The following DYRK1A variants were observed in gnomAD, a reference collection of about 807,000 sequenced individuals.
DYRK1A encodes the protein dual specificity tyrosine phosphorylation regulated kinase 1A.
A neutral mutation model predicts 79.7 loss-of-function variants in DYRK1A; 9 were observed. The observed-to-expected ratio is 0.11, with a 90% CI of 0.07 to 0.20. DYRK1A has a LOEUF of 0.20. DYRK1A is among the 10% of genes least tolerant of loss of function. The pLI is 1.00. For synonymous variants in DYRK1A, 349 were observed against 329.7 expected, an observed-to-expected ratio of 1.06 and a Z score of -0.63; for missense variants, 622 against 956.0, an observed-to-expected ratio of 0.65 and a Z score of 4.61.
chr21:37,370,017 C>T (rs1232819141), intron 1 of DYRK1A, among the ~76,000 whole-genome samples: 2 of 152,084 alleles, frequency 1.3e-5, no homozygotes, highest in African/African-American at 4.8e-5. Context: ...TTTTTTTCCC[C>T]TCCAAAATAT....
chr21:37,383,038 C>T (rs183431464), intron 1 of DYRK1A, among the ~76,000 whole-genome samples: 183 of 152,282 alleles, frequency 1.2e-3, no homozygotes, highest in African/African-American at 4.2e-3. Context: ...GAGCGATCTC[C>T]ACCATTAAGA....
chr21:37,505,266 C>T lies in DYRK1A; in HGVS notation c.1213-17C>T, dbSNP rs367698616. 6.4e-7 allele frequency: 1 copy of T among 1,569,082 alleles called. No homozygotes were observed. The highest frequency in any genetic ancestry group is 8.7e-7 in the Non-Finnish European group (1 of 1,155,222). On this transcript the variant is annotated splice_polypyrimidine_tract_variant and intron_variant, in intron 9 of 11. Transcript: ENST00000647188. The stretch of plus-strand genomic sequence containing the variant: ...TCCACCAAATTTAGAGAAAGCCTTT[C>T]ATCTTCTCTCTTACAGGAGTACAAA...
At position 37,405,361 on chromosome 21, in the gene DYRK1A, C is replaced by A. The variant is rs16995063; in HGVS notation, c.-76-14938C>A. Among the ~76,000 whole-genome samples the A allele has an allele frequency of 7.9e-3, 1,210 of 152,256 alleles. 14 individuals carry two copies. Among genetic ancestry groups the A allele is most frequent in the African/African-American group, 0.028 (1,158 of 41,522 alleles). ...AGTCTCCTGCATCCTTTTCCTAATTCTTGGCTTTAGTTCTGTTTTCTTCAA... is the reference window on the plus strand; with the variant it reads ...AGTCTCCTGCATCCTTTTCCTAATTATTGGCTTTAGTTCTGTTTTCTTCAA... On this transcript the variant is annotated intron_variant, in intron 1 of 11. Coordinates refer to ENST00000647188, the MANE Select transcript of DYRK1A (RefSeq NM_001347721.2).
At chr21:37,450,945 C>T (rs2148501189) in intron 2 of DYRK1A, among the ~76,000 whole-genome samples, 1 of 152,212 alleles carries the variant, frequency 6.6e-6, no homozygotes, top group African/African-American at 2.4e-5. Context: ...CGACAGTATT[C>T]CCCTAAGACT....
chr21:37,521,496 A>G lies in DYRK1A; in HGVS notation c.*8965A>G, dbSNP rs1310092891. On this transcript the variant is annotated 3_prime_UTR_variant, in exon 12 of 12. Transcript: ENST00000647188. ...CCAGTCATGTGCAAAGCACTTAGCT[A>G]GGTCTTAGGGATGAGGACAAAAAGC... is the stretch of plus-strand genomic sequence containing the variant. 1 of 152,264 alleles carries G rather than the reference A, an allele frequency of 6.6e-6. No individual in the cohort carries two copies. Among genetic ancestry groups the G allele is most frequent in the Non-Finnish European group, 1.5e-5 (1 of 68,044 alleles). 9.4% of individuals were successfully genotyped at this position (152,264 alleles called of 1,614,324 possible). A position where few individuals can be genotyped will look rare whatever the true frequency, so the allele number is the denominator to read the frequency against.
At chr21:37,382,589 C>T (rs999521974) in intron 1 of DYRK1A, among the ~76,000 whole-genome samples, 2 of 152,140 alleles carry the variant, frequency 1.3e-5, no homozygotes, top group African/African-American at 4.8e-5. Context: ...CTTGGATCTT[C>T]AACCTTTTGG....
At chr21:37,404,123 T>G (rs1447521765) in intron 1 of DYRK1A, among the ~76,000 whole-genome samples, 1 of 152,062 alleles carries the variant, frequency 6.6e-6, no homozygotes, top group Non-Finnish European at 1.5e-5. Flanking sequence ...ACAGAACCAA[T>G]AAGAGATACA....
intron 7 of DYRK1A, among the ~76,000 whole-genome samples, chr21:37,492,262 A>G: frequency 6.6e-6 from 1 of 152,250 alleles, no homozygotes; most frequent in Admixed American, 6.5e-5. Flanking sequence ...TGGGAACCAC[A>G]GAAAATTTCA....
At chr21:37,498,240 A>T (rs550357110) in intron 9 of DYRK1A, among the ~76,000 whole-genome samples, 1 of 152,280 alleles carries the variant, frequency 6.6e-6, no homozygotes, top group East Asian at 1.9e-4. Flanking sequence ...TTTGAAGTAC[A>T]GTTTATATAA....
chr21:37,466,361 G>A (rs1306561420), intron 2 of DYRK1A, among the ~76,000 whole-genome samples: 3 of 152,068 alleles, frequency 2.0e-5, no homozygotes, highest in Non-Finnish European at 4.4e-5. Flanking sequence ...TTGTAATATT[G>A]TAATATATAA....
rs1462835394 is a variant in DYRK1A, at chr21:37,515,663, T to G, written c.*3132T>G. The G allele has an allele frequency of 6.6e-6, 1 of 152,190 alleles. No individual in the cohort carries two copies. The highest frequency in any genetic ancestry group is 2.4e-5 in the African/African-American group (1 of 41,460). 9.4% of individuals were successfully genotyped at this position (152,190 alleles called of 1,614,324 possible). A position where few individuals can be genotyped will look rare whatever the true frequency, so the allele number is the denominator to read the frequency against. ...CAAATTCACCTGCTTCAGTATATAT[T>G]AAGGTGGCTTTCGAGAGGCAAGATG... On this transcript the variant is annotated 3_prime_UTR_variant, in exon 12 of 12. Transcript: ENST00000647188.
At chr21:37,507,748 G>A (rs1317995386) in intron 11 of DYRK1A, among the ~76,000 whole-genome samples, 2 of 141,300 alleles carry the variant, frequency 1.4e-5, no homozygotes, top group African/African-American at 2.7e-5. Flanking sequence ...GGTGTTCCTC[G>A]AGGCATGACC....
intron 2 of DYRK1A, among the ~76,000 whole-genome samples, chr21:37,455,899 C>T (rs147968392): frequency 0.01 from 1,549 of 152,224 alleles, 23 homozygotes; most frequent in African/African-American, 0.034. Context: ...TTGCCCAAAG[C>T]GACACAGAAG....
chr21:37,501,276 C>T (rs1569392949), intron 9 of DYRK1A: 1 of 149,044 alleles, frequency 6.7e-6, no homozygotes, highest in Non-Finnish European at 1.5e-5. Flanking sequence ...GGTCAAGCAA[C>T]TCTCCTGCCT....
At chr21:37,485,749 T>TA (rs2052838223) in intron 5 of DYRK1A, among the ~76,000 whole-genome samples, 1 of 151,688 alleles carries the variant, frequency 6.6e-6, no homozygotes, top group Non-Finnish European at 1.5e-5. Flanking sequence ...AAATCTTTTA[T>TA]AGTAGTATGA....
intron 11 of DYRK1A, among the ~76,000 whole-genome samples, chr21:37,510,633 T>C (rs1036445217): frequency 1.9e-4 from 29 of 152,182 alleles, no homozygotes; most frequent in Non-Finnish European, 4.0e-4. Context: ...GTACCAAGTT[T>C]CCTTCATTTT....
At position 37,512,567 on chromosome 21, in the gene DYRK1A, T is replaced by C. The variant is rs753280988; in HGVS notation, c.*36T>C. On this transcript the variant is annotated 3_prime_UTR_variant, in exon 12 of 12. Coordinates refer to ENST00000647188, the MANE Select transcript of DYRK1A (RefSeq NM_001347721.2). Reference sequence around the variant, plus strand: ...ACTTGAGTTTGTTTCTTGTGTGTTTTTATAGAAGTGGTGTTTTTTTTCCAA... The same window carrying C: ...ACTTGAGTTTGTTTCTTGTGTGTTTCTATAGAAGTGGTGTTTTTTTTCCAA... 29 of 1,591,166 alleles carry C rather than the reference T, an allele frequency of 1.8e-5. No individual in the cohort carries two copies. Among genetic ancestry groups the C allele is most frequent in the Non-Finnish European group, 2.4e-5 (28 of 1,166,872 alleles).
At chr21:37,446,953 G>A (rs977098298) in intron 2 of DYRK1A, among the ~76,000 whole-genome samples, 1 of 152,062 alleles carries the variant, frequency 6.6e-6, no homozygotes, top group Non-Finnish European at 1.5e-5. Flanking sequence ...CCACTCTCCT[G>A]ATTGTTACTA....
At chr21:37,387,775 C>T (rs2049788819) in intron 1 of DYRK1A, among the ~76,000 whole-genome samples, 1 of 152,094 alleles carries the variant, frequency 6.6e-6, no homozygotes, top group Non-Finnish European at 1.5e-5. Context: ...CAGAAAATAC[C>T]TTTAATCTGC....
Sources: allele counts gnomAD v4.1 joint callset (sites outside exome capture counted in the v4.1 genomes callset), GRCh38; gene constraint gnomAD v4.1.1; transcripts MANE v1.5; gene names NCBI Gene and HGNC (gene_info 2026-07-23, HGNC 2026-07-21).